The following CADPS2 variants were observed in gnomAD, a reference collection of about 807,000 sequenced individuals.
CADPS2 encodes the protein calcium-dependent secretion activator 2.
Under a neutral mutation model 172.5 loss-of-function variants are expected in CADPS2, and 93 were observed. That is an observed-to-expected ratio of 0.54 (90% CI 0.46 to 0.64). CADPS2 has a LOEUF of 0.64. Among genes scored for constraint, CADPS2 ranks in the 30% least tolerant of loss-of-function variants. The pLI is 0.00. For missense variants in CADPS2, 1,420 were observed against 1,565.9 expected, an observed-to-expected ratio of 0.91 and a Z score of 1.57; for synonymous variants, 546 against 555.2, an observed-to-expected ratio of 0.98 and a Z score of 0.23.
At chr7:122,845,734 A>G (rs1445658935) in intron 1 of CADPS2, among the ~76,000 whole-genome samples, 1 of 152,216 alleles carries the variant, frequency 6.6e-6, no homozygotes, top group Non-Finnish European at 1.5e-5. Context: ...GCTTTTAACT[A>G]TGACATAGCA....
At chr7:122,407,769 T>G in intron 19 of CADPS2, 73 bp from the exon 20 acceptor site, 1 of 1,352,848 alleles carries the variant, frequency 7.4e-7, no homozygotes. Context: ...CTGTGCCAGT[T>G]GAAAATATTT....
intron 6 of CADPS2, among the ~76,000 whole-genome samples, chr7:122,610,323 TA>T (rs11459230): frequency 1.3e-5 from 2 of 150,194 alleles, no homozygotes; most frequent in African/African-American, 4.9e-5. Context: ...TTACTATTTG[TA>T]AAAAAAAAGT....
intron 2 of CADPS2, chr7:122,698,203 A>T (rs777392998): frequency 4.3e-6 from 7 of 1,613,948 alleles, no homozygotes; most frequent in Non-Finnish European, 5.9e-6. Context: ...TACTACTCGA[A>T]GTTGGAGTTG....
chr7:122,845,913 T>C (rs1811866664), intron 1 of CADPS2, among the ~76,000 whole-genome samples: 2 of 152,088 alleles, frequency 1.3e-5, no homozygotes, highest in Admixed American at 6.6e-5. Flanking sequence ...AAACACAAAA[T>C]AGCGTTATGA....
Position 122,581,212 on chromosome 7 carries a change from T to C in CADPS2, c.1302A>G (p.Gly434=), listed in dbSNP as rs2068761811. 6.2e-7 allele frequency: 1 copy of C among 1,613,110 alleles called. No individual in the cohort carries two copies. Among genetic ancestry groups the C allele is most frequent in the Admixed American group, 1.7e-5 (1 of 59,920 alleles). ...GTTCTTTATCTTCCAGGGCCAGAAC[T>C]CCAGTGCTTTCTGTGAAGAGTTTCA... ...VKVKLFTEST[G]VLALEDKELG... Residue 434 remains glycine (G), a synonymous_variant, in exon 7 of 30, where the codon GGA becomes GGG. Coordinates refer to ENST00000449022, the MANE Select transcript of CADPS2 (RefSeq NM_017954.11).
chr7:122,642,949 C>CT (rs1484882220), intron 3 of CADPS2, among the ~76,000 whole-genome samples: 1 of 152,048 alleles, frequency 6.6e-6, no homozygotes, highest in African/African-American at 2.4e-5. Flanking sequence ...TAATATTTAT[C>CT]TTTATCCTTT....
chr7:122,767,527 T>C (rs983168582), intron 1 of CADPS2, among the ~76,000 whole-genome samples: 1 of 152,118 alleles, frequency 6.6e-6, no homozygotes, highest in African/African-American at 2.4e-5. Flanking sequence ...TGTGTGACTA[T>C]TTCTAAAATG....
chr7:122,653,040 A>G (rs931894156), intron 3 of CADPS2, among the ~76,000 whole-genome samples: 3 of 152,134 alleles, frequency 2.0e-5, no homozygotes, highest in Admixed American at 1.3e-4. Context: ...GAAGCTCTGG[A>G]ACAAAGGATA....
intron 11 of CADPS2, among the ~76,000 whole-genome samples, chr7:122,482,131 A>C (rs2057373628): frequency 6.6e-6 from 1 of 152,206 alleles, no homozygotes; most frequent in South Asian, 2.1e-4. Flanking sequence ...CACGAGCTCA[A>C]CACATTCCTC....
intron 17 of CADPS2, among the ~76,000 whole-genome samples, chr7:122,422,537 A>G (rs1206478837): frequency 1.3e-5 from 2 of 152,154 alleles, no homozygotes; most frequent in Non-Finnish European, 2.9e-5. Context: ...ATTACATTAC[A>G]CACTCTCACA....
chr7:122,342,832 C>T (rs2036988625), intron 28 of CADPS2, among the ~76,000 whole-genome samples: 3 of 152,218 alleles, frequency 2.0e-5, no homozygotes, highest in African/African-American at 4.8e-5. Flanking sequence ...AGCAAAAGTT[C>T]GTCATGATGC....
In CADPS2 at chr7:122,508,972, C is replaced by T. The variant is rs372086455; in HGVS notation, c.1542+4277G>A. ...GTTCTGGGTTTGTAAATTTTAATCC[C>T]ATTTAAAGCATAAAGCTATAAAGTC... On this transcript the variant is annotated intron_variant, in intron 9 of 29. Transcript: ENST00000449022. Among the ~76,000 whole-genome samples, 61 of 152,168 alleles carry T rather than the reference C, an allele frequency of 4.0e-4. 1 individual carries two copies. The highest frequency in any genetic ancestry group is 1.4e-3 in the African/African-American group (60 of 41,530).
chr7:122,479,172 C>T (rs767436310), intron 12 of CADPS2, among the ~76,000 whole-genome samples: 2 of 152,108 alleles, frequency 1.3e-5, no homozygotes, highest in African/African-American at 4.8e-5. Context: ...TGCTGCCAGC[C>T]AAGACTGCTC....
At chr7:122,882,502 C>T (rs553759340) in intron 1 of CADPS2, among the ~76,000 whole-genome samples, 61 of 151,982 alleles carry the variant, frequency 4.0e-4, no homozygotes, top group South Asian at 3.3e-3. Flanking sequence ...AATATTGTTA[C>T]GAATTTAGAC....
At chr7:122,341,577 A>G (rs2036798949) in intron 28 of CADPS2, among the ~76,000 whole-genome samples, 1 of 152,216 alleles carries the variant, frequency 6.6e-6, no homozygotes, top group Non-Finnish European at 1.5e-5. Context: ...AGCTCTTCCC[A>G]TAACACTACT....
At chr7:122,561,892 G>T (rs1188924216) in intron 7 of CADPS2, among the ~76,000 whole-genome samples, 1 of 152,122 alleles carries the variant, frequency 6.6e-6, no homozygotes, top group Non-Finnish European at 1.5e-5. Flanking sequence ...TTGTTGGTTG[G>T]ATGATTGGCT....
At chr7:122,698,588 T>C in intron 2 of CADPS2, 1 of 1,614,044 alleles carries the variant, frequency 6.2e-7, no homozygotes. Context: ...TGTGTGAAGG[T>C]ACAACCTCCC....
At chr7:122,713,748 T>C (rs1289310021) in intron 2 of CADPS2, among the ~76,000 whole-genome samples, 3 of 152,076 alleles carry the variant, frequency 2.0e-5, no homozygotes, top group African/African-American at 4.8e-5. Flanking sequence ...AGTATTTGAA[T>C]GCACATTAGG....
intron 18 of CADPS2, 131 bp downstream of exon 18, chr7:122,415,930 T>C: frequency 2.1e-6 from 1 of 486,668 alleles, no homozygotes; most frequent in East Asian, 2.9e-5. Flanking sequence ...AAACACTGCT[T>C]ATCGTTGGTG....
Sources: gnomAD v4.1 joint callset for allele counts (sites outside exome capture counted in the v4.1 genomes callset) on GRCh38, gnomAD v4.1.1 for gene constraint, MANE v1.5 for transcripts, NCBI Gene and HGNC (gene_info 2026-07-23, HGNC 2026-07-21) for gene names.